Variants in CYB561A3 observed in about 807,000 individuals in gnomAD.
The protein encoded by CYB561A3 is lysosomal membrane ascorbate-dependent ferrireductase CYB561A3.
CYB561A3 carries 16 observed loss-of-function variants against 25.3 expected under a neutral mutation model. The observed-to-expected ratio is 0.63, with a 90% CI of 0.43 to 0.96. CYB561A3 has a LOEUF of 0.96. CYB561A3 is among the 40% of genes least tolerant of loss of function. The probability of loss-of-function intolerance (pLI) is 0.00; values close to 1 mark genes in which losing one functional copy is unlikely to be tolerated. For missense variants in CYB561A3, 219 were observed against 307.5 expected, an observed-to-expected ratio of 0.71 and a Z score of 2.15; for synonymous variants, 131 against 129.9, an observed-to-expected ratio of 1.01 and a Z score of -0.06.
At position 61,356,519 on chromosome 11, in the gene CYB561A3, C is replaced by A; in HGVS notation, c.184+11G>T. ...GCCCTATCCCGCCTCCCTTCCTGAC[C>A]TCTTACTCACCACCTCCATAGAATA... is the stretch of plus-strand genomic sequence containing the variant. On this transcript the variant is annotated intron_variant, in intron 3 of 6. Coordinates refer to ENST00000294072, the MANE Select transcript of CYB561A3 (RefSeq NM_153611.6). The A allele has an allele frequency of 6.2e-7, 1 of 1,612,640 alleles. No individual in the cohort carries two copies. Among genetic ancestry groups the A allele is most frequent in the South Asian group, 1.1e-5 (1 of 90,908 alleles).
rs1857335728 is a variant in CYB561A3 at position 61,350,301 on chromosome 11, G to A, written c.*98C>T. ...CTGGGCCCAGCATTGGAAGAAAGTC[G>A]CCTGCTGAAACCAGCCGGGAGCCCT... On this transcript the variant is annotated 3_prime_UTR_variant, in exon 7 of 7. Coordinates refer to ENST00000294072, the MANE Select transcript of CYB561A3 (RefSeq NM_153611.6). The A allele has an allele frequency of 6.1e-6, 9 of 1,480,326 alleles. No homozygotes were observed. Among genetic ancestry groups the A allele is most frequent in the East Asian group, 2.4e-5 (1 of 41,554 alleles). 91.7% of individuals were successfully genotyped at this position (1,480,326 alleles called of 1,614,324 possible).
chr11:61,353,168 C>T, intron 4 of CYB561A3, 29 bp from the exon 5 acceptor site: 1 of 1,576,194 alleles, frequency 6.3e-7, no homozygotes, highest in South Asian at 1.2e-5. Context: ...ACACACCCGA[C>T]TGTGCTATGT....
At chr11:61,353,166 G>A (rs371282488) in intron 4 of CYB561A3, 27 bp from the exon 5 acceptor site, 52 of 1,577,554 alleles carry the variant, frequency 3.3e-5, no homozygotes, top group South Asian at 2.3e-4. Flanking sequence ...GGACACACCC[G>A]ACTGTGCTAT....
intron 1 of CYB561A3, chr11:61,358,595 C>A (rs1424899849): frequency 6.6e-6 from 1 of 151,528 alleles, no homozygotes; most frequent in South Asian, 2.1e-4. Context: ...CATGGTGGCG[C>A]GCGCCTTTAG....
chr11:61,349,315 A>G lies in CYB561A3; in HGVS notation c.*1084T>C, dbSNP rs1171282343. The G allele has an allele frequency of 3.9e-6, 2 of 516,456 alleles. No individual in the cohort carries two copies. The highest frequency in any genetic ancestry group is 7.1e-6 in the Non-Finnish European group (2 of 282,964). The allele number at this position is 516,456 out of a possible 1,614,324, so 32.0% of individuals were successfully genotyped here. A position where few individuals can be genotyped will look rare whatever the true frequency, so the allele number is the denominator to read the frequency against. On this transcript the variant is annotated 3_prime_UTR_variant, in exon 7 of 7. Coordinates refer to ENST00000294072, the MANE Select transcript of CYB561A3 (RefSeq NM_153611.6). ...GGGTCTCAGCAAGGAACCCCTCTGA[A>G]GGTGGCAGTGGCTCCCAGGGCTGCT...
intron 2 of CYB561A3, chr11:61,357,118 T>A: frequency 6.6e-7 from 1 of 1,510,286 alleles, no homozygotes; most frequent in Non-Finnish European, 9.0e-7. Context: ...AAATCCAGGC[T>A]AAATTACGCA....
At chr11:61,361,960 G>T (rs1292049470), upstream of CYB561A3, 1 of 152,280 alleles carries the variant, frequency 6.6e-6, no homozygotes, top group East Asian at 1.9e-4. Flanking sequence ...GGGAAGTGAA[G>T]TCCGGAGACC....
At chr11:61,350,695 G>A (rs948013973) in intron 6 of CYB561A3, 3 of 592,348 alleles carry the variant, frequency 5.1e-6, no homozygotes, top group African/African-American at 3.7e-5. Flanking sequence ...CCTTGTCACA[G>A]TCAAGCCCTT....
In CYB561A3 at chr11:61,353,793, G is replaced by A. The variant is rs772375763; in HGVS notation, c.384C>T (p.Phe128=). The A allele has an allele frequency of 3.6e-5, 58 of 1,614,096 alleles. No individual in the cohort carries two copies. The highest frequency in any genetic ancestry group is 4.6e-5 in the Non-Finnish European group (54 of 1,180,050). Residue 128 remains phenylalanine, a synonymous_variant, in exon 4 of 7, where the codon TTC becomes TTT. Coordinates refer to ENST00000294072, the MANE Select transcript of CYB561A3 (RefSeq NM_153611.6). ...SWLGITTVFL[F]ACQWFLGFAV... is the part of the protein sequence containing the mutation. ...AACAGAGAGAACCCACCTGGCAGGCGAAGAGGAAGACAGTGGTGATGCCCA... is the reference window on the plus strand; with the variant it reads ...AACAGAGAGAACCCACCTGGCAGGCAAAGAGGAAGACAGTGGTGATGCCCA...
At chr11:61,360,968 ACT>A (rs1428468899) in intron 1 of CYB561A3, 1 of 129,516 alleles carries the variant, frequency 7.7e-6, no homozygotes, top group Non-Finnish European at 1.6e-5. Context: ...ACAGAGTGAG[ACT>A]CTGTCTCAGA....
chr11:61,357,142 T>C, intron 2 of CYB561A3: 1 of 1,538,958 alleles, frequency 6.5e-7, no homozygotes, highest in Non-Finnish European at 8.8e-7. Flanking sequence ...ACCCAGGCCT[T>C]GGGTTCTAAG....
chr11:61,349,306 C>T lies in CYB561A3; in HGVS notation c.*1093G>A, dbSNP rs1857286988. 2 of 495,226 alleles carry T rather than the reference C, an allele frequency of 4.0e-6. No individual in the cohort carries two copies. Among genetic ancestry groups the T allele is most frequent in the African/African-American group, 1.9e-5 (1 of 51,678 alleles). The allele number at this position is 495,226 out of a possible 1,614,324, so 30.7% of individuals were successfully genotyped here. On this transcript the variant is annotated 3_prime_UTR_variant, in exon 7 of 7. Transcript: ENST00000294072. ...AAGCAATGTGGGTCTCAGCAAGGAA[C>T]CCCTCTGAAGGTGGCAGTGGCTCCC... is the stretch of plus-strand genomic sequence containing the variant.
rs1388799085 is a variant in CYB561A3 at position 61,353,576 on chromosome 11, C to T, written c.393+208G>A. ...GCAGAGAGGGCTCTGGGACGAGAGA[C>T]GGGCAATGGGAGGGATAAAAGGAAC... On this transcript the variant is annotated intron_variant, in intron 4 of 6. Coordinates refer to ENST00000294072, the MANE Select transcript of CYB561A3 (RefSeq NM_153611.6). 9 of 718,172 alleles carry T rather than the reference C, an allele frequency of 1.3e-5. No individual in the cohort carries two copies. In the East Asian group the frequency reaches 1.4e-4, roughly 11 times the overall value. 44.5% of individuals were successfully genotyped at this position (718,172 alleles called of 1,614,324 possible).
intron 1 of CYB561A3, chr11:61,361,296 T>A (rs1321781188): frequency 6.6e-6 from 1 of 152,204 alleles, no homozygotes; most frequent in Admixed American, 6.5e-5. Flanking sequence ...TTCTCAAAGG[T>A]AGCTTCTGTT....
At position 61,349,044 on chromosome 11, in the gene CYB561A3, T is replaced by A; in HGVS notation, c.*1355A>T. 1 of 159,320 alleles carries A rather than the reference T, an allele frequency of 6.3e-6. No individual in the cohort carries two copies. Among genetic ancestry groups the A allele is most frequent in the Non-Finnish European group, 1.4e-5 (1 of 71,804 alleles). 9.9% of individuals were successfully genotyped at this position (159,320 alleles called of 1,614,324 possible). A position where few individuals can be genotyped will look rare whatever the true frequency, so the allele number is the denominator to read the frequency against. On this transcript the variant is annotated 3_prime_UTR_variant, in exon 7 of 7. Transcript: ENST00000294072. ...GTAGGATGCTGATGCTGCCAGAGAG[T>A]AGGTGGGCTCCAAACCCCAGGCTTC...
chr11:61,359,190 C>T (rs1453987635), intron 1 of CYB561A3: 1 of 149,070 alleles, frequency 6.7e-6, no homozygotes, highest in African/African-American at 2.5e-5. Flanking sequence ...CGCCACTGCT[C>T]TCCAGCCTGG....
rs1857336982 is a variant in CYB561A3 at position 61,350,347 on chromosome 11, G to A, written c.*52C>T. 1.9e-6 allele frequency: 3 copies of A among 1,593,334 alleles called. No individual in the cohort carries two copies. The highest frequency in any genetic ancestry group is 1.3e-5 in the African/African-American group (1 of 74,894). On this transcript the variant is annotated 3_prime_UTR_variant, in exon 7 of 7. Transcript: ENST00000294072. ...GCCCTGGGAAGAGCAGAGCTTCTGAGGGGAGCACAGGCTGCACCACCAGGA... is the reference window on the plus strand; with the variant it reads ...GCCCTGGGAAGAGCAGAGCTTCTGAAGGGAGCACAGGCTGCACCACCAGGA...
intron 2 of CYB561A3, chr11:61,357,454 T>A: frequency 2.0e-6 from 1 of 512,638 alleles, no homozygotes; most frequent in Non-Finnish European, 3.5e-6. Context: ...TTTCCACAAG[T>A]CCTTGATAAA....
rs201650207 is a variant in CYB561A3 at position 61,352,982 on chromosome 11, C to A, written c.548+3G>T. 1 of 1,614,116 alleles carries A rather than the reference C, an allele frequency of 6.2e-7. No homozygotes were observed. Among genetic ancestry groups the A allele is most frequent in the Admixed American group, 1.7e-5 (1 of 60,024 alleles). On this transcript the variant is annotated splice_donor_region_variant and intron_variant, in intron 5 of 6. Coordinates refer to ENST00000294072, the MANE Select transcript of CYB561A3 (RefSeq NM_153611.6). ...TTAGAGTTGGGGACCCCACTGCACT[C>A]ACAAACTGAAGAAAAGCTTCTCATT...
Sources: allele counts gnomAD v4.1 joint callset, GRCh38; gene constraint gnomAD v4.1.1; transcripts MANE v1.5; gene names NCBI Gene and HGNC (gene_info 2026-07-23, HGNC 2026-07-21).